Variants in MAGI1 observed in about 807,000 individuals in gnomAD.
The protein encoded by MAGI1 is membrane associated guanylate kinase, WW and PDZ domain containing 1.
A neutral mutation model predicts 139.9 loss-of-function variants in MAGI1; 58 were observed. The ratio of observed to expected loss-of-function variants is 0.41; its 90% CI spans 0.34 to 0.52. The LOEUF (loss-of-function observed/expected upper bound fraction) is 0.52. Ranked by LOEUF, MAGI1 falls within the 20% of genes least tolerant of loss-of-function variation. The pLI is 0.12. For missense variants in MAGI1, 1,874 were observed against 1,901.6 expected (o/e 0.99, Z 0.27); for synonymous variants, 812 against 737.9 (o/e 1.10, Z -1.63).
At chr3:65,914,051 C>T (rs1254400732) in intron 1 of MAGI1, 2 of 152,120 alleles carry the variant, frequency 1.3e-5, no homozygotes, top group East Asian at 3.9e-4. Flanking sequence ...TCCCCTAATG[C>T]TTATTAACAA....
intron 1 of MAGI1, among the ~76,000 whole-genome samples, chr3:65,857,250 G>A (rs1238744388): frequency 1.3e-5 from 2 of 152,192 alleles, no homozygotes; most frequent in African/African-American, 2.4e-5. Flanking sequence ...AAACATGAGA[G>A]AGTACAGCAC....
At chr3:65,417,177 G>A (rs1209858099) in intron 12 of MAGI1, among the ~76,000 whole-genome samples, 2 of 152,130 alleles carry the variant, frequency 1.3e-5, no homozygotes, top group Non-Finnish European at 2.9e-5. Context: ...GTCGGAGGGC[G>A]GCAGGGGTAG....
At chr3:65,578,594 G>A (rs1033544135) in intron 2 of MAGI1, among the ~76,000 whole-genome samples, 1 of 152,126 alleles carries the variant, frequency 6.6e-6, no homozygotes, top group Non-Finnish European at 1.5e-5. Flanking sequence ...GGGGGAAAAT[G>A]AAATCTTCAT....
At position 65,360,741 on chromosome 3, in the gene MAGI1, T is replaced by G. The variant is rs923783092; in HGVS notation, c.3634+458A>C. The G allele has an allele frequency of 9.9e-6, 10 of 1,007,854 alleles. No individual in the cohort carries two copies. In the African/African-American group the frequency reaches 1.7e-4, roughly 17 times the overall value. The allele number at this position is 1,007,854 out of a possible 1,614,324, so 62.4% of individuals were successfully genotyped here. On this transcript the variant is annotated intron_variant, in intron 22 of 22. Coordinates refer to ENST00000402939, the MANE Select transcript of MAGI1 (RefSeq NM_001033057.2). ...AAGGGAGGTTAGCAAAGCCCCCAAA[T>G]CTCTCAAAATTTCATGCCTCTTAAA...
chr3:65,965,197 C>G (rs1263063946), intron 1 of MAGI1, among the ~76,000 whole-genome samples: 2 of 152,202 alleles, frequency 1.3e-5, no homozygotes, highest in Admixed American at 6.5e-5. Flanking sequence ...TCAATGGAGA[C>G]CAGACATACA....
At chr3:65,595,319 T>C (rs2082140193) in intron 2 of MAGI1, among the ~76,000 whole-genome samples, 1 of 152,230 alleles carries the variant, frequency 6.6e-6, no homozygotes, top group Admixed American at 6.5e-5. Flanking sequence ...CATACAACTG[T>C]TTATCACAAA....
chr3:65,583,475 T>A (rs970736151), intron 2 of MAGI1, among the ~76,000 whole-genome samples: 1 of 152,148 alleles, frequency 6.6e-6, no homozygotes, highest in African/African-American at 2.4e-5. Flanking sequence ...TAGAACCCCA[T>A]TTTGTTGAAT....
At chr3:65,768,231 C>A (rs2037650795) in intron 1 of MAGI1, among the ~76,000 whole-genome samples, 2 of 152,228 alleles carry the variant, frequency 1.3e-5, no homozygotes, top group South Asian at 4.2e-4. Context: ...ACCAGCCTGG[C>A]CAACTTGACA....
chr3:65,440,732 T>C (rs1948230227), intron 8 of MAGI1, among the ~76,000 whole-genome samples: 1 of 152,040 alleles, frequency 6.6e-6, no homozygotes, highest in Non-Finnish European at 1.5e-5. Context: ...GTAGATGTGA[T>C]GTGCTCAAAA....
intron 1 of MAGI1, among the ~76,000 whole-genome samples, chr3:65,847,837 T>C (rs547137026): frequency 2.6e-5 from 4 of 152,336 alleles, no homozygotes; most frequent in South Asian, 4.1e-4. Context: ...AACTAAGGAA[T>C]TTGTCTCACG....
At chr3:65,387,182 C>G (rs761260561) in intron 14 of MAGI1, 2 of 1,614,138 alleles carry the variant, frequency 1.2e-6, no homozygotes, top group Non-Finnish European at 1.7e-6. Flanking sequence ...ATTTCTCTCT[C>G]TCTCTCACCC....
chr3:65,681,305 A>G (rs1342725186), intron 1 of MAGI1, among the ~76,000 whole-genome samples: 1 of 152,228 alleles, frequency 6.6e-6, no homozygotes, highest in African/African-American at 2.4e-5. Context: ...ATCTACAAAC[A>G]TCTGCCCCAA....
chr3:65,749,223 C>T (rs1414077287), intron 1 of MAGI1, among the ~76,000 whole-genome samples: 2 of 152,064 alleles, frequency 1.3e-5, no homozygotes, highest in African/African-American at 4.8e-5. Flanking sequence ...AGAGAGTGCC[C>T]AATGTCTGTA....
chr3:65,981,748 C>T (rs1320889012), intron 1 of MAGI1, among the ~76,000 whole-genome samples: 1 of 152,002 alleles, frequency 6.6e-6, no homozygotes, highest in African/African-American at 2.4e-5. Context: ...AGGGGAAACC[C>T]CTTTTGCTCG....
intron 1 of MAGI1, among the ~76,000 whole-genome samples, chr3:65,680,469 A>C (rs1266020017): frequency 1.3e-5 from 2 of 152,132 alleles, no homozygotes; most frequent in African/African-American, 4.8e-5. Context: ...CAGGCTGGGG[A>C]GCAGTGGTGC....
In MAGI1 at chr3:65,784,834, A is replaced by G. The variant is rs116755460; in HGVS notation, c.314-162746T>C. 4.7e-3 allele frequency among the ~76,000 whole-genome samples: 719 copies of G among 152,368 alleles called. 8 individuals are homozygous for G. Among genetic ancestry groups the G allele is most frequent in the African/African-American group, 0.017 (698 of 41,590 alleles). Reference sequence around the variant, plus strand: ...TACAACATGGATGAATCCTGAAACAAGATAAGGTGGAGTAGCACATCACAA... The same window carrying G: ...TACAACATGGATGAATCCTGAAACAGGATAAGGTGGAGTAGCACATCACAA... On this transcript the variant is annotated intron_variant, in intron 1 of 22. Coordinates refer to ENST00000402939, the MANE Select transcript of MAGI1 (RefSeq NM_001033057.2).
chr3:65,562,632 G>C (rs1299912941), intron 2 of MAGI1, among the ~76,000 whole-genome samples: 1 of 152,138 alleles, frequency 6.6e-6, no homozygotes, highest in African/African-American at 2.4e-5. Context: ...GGGATTACAA[G>C]TGCAAGCCAA....
At chr3:66,024,760 C>T (rs188356225) in intron 1 of MAGI1, among the ~76,000 whole-genome samples, 1 of 152,096 alleles carries the variant, frequency 6.6e-6, no homozygotes, top group Admixed American at 6.5e-5. Flanking sequence ...GAGCCAAGAT[C>T]GCATCATTGC....
intron 1 of MAGI1, among the ~76,000 whole-genome samples, chr3:65,655,742 C>T (rs1234385119): frequency 6.6e-6 from 1 of 152,188 alleles, no homozygotes; most frequent in Non-Finnish European, 1.5e-5. Flanking sequence ...CAAGTTCACA[C>T]AGCTTAGTAA....
Sources: gnomAD v4.1 joint callset for allele counts (sites outside exome capture counted in the v4.1 genomes callset) on GRCh38, gnomAD v4.1.1 for gene constraint, MANE v1.5 for transcripts, NCBI Gene and HGNC (gene_info 2026-07-23, HGNC 2026-07-21) for gene names.